Variants in POF1B observed in about 807,000 individuals in gnomAD.
The protein encoded by POF1B is protein POF1B.
A neutral mutation model predicts 55.3 loss-of-function variants in POF1B; 53 were observed. The ratio of observed to expected loss-of-function variants is 0.96; its 90% confidence interval spans 0.77 to 1.20. The LOEUF (loss-of-function observed/expected upper bound fraction) is 1.20. Ranked by LOEUF, POF1B falls within the 50% of genes most tolerant of loss-of-function variation. The pLI is 0.00. For missense variants in POF1B, 478 were observed against 420.5 expected (o/e 1.14, Z -1.20); for synonymous variants, 188 against 148.3 (o/e 1.27, Z -1.95).
At chrX:85,283,910 T>TA (rs1018402793) in intron 15 of POF1B, among the ~76,000 whole-genome samples, 12 of 110,797 alleles carry the variant, frequency 1.1e-4, no homozygotes, top group Admixed American at 1.9e-4. Context: ...AGTACTTTTT[T>TA]AAAAAAAATG....
intron 6 of POF1B, among the ~76,000 whole-genome samples, chrX:85,332,090 A>T (rs1932988945): frequency 8.9e-6 from 1 of 111,752 alleles, no homozygotes; most frequent in African/African-American, 3.2e-5. Context: ...TATCTTTGAC[A>T]TACTGATTTT....
intron 15 of POF1B, among the ~76,000 whole-genome samples, chrX:85,285,616 A>G (rs1012449005): frequency 4.5e-5 from 4 of 88,257 alleles, no homozygotes; most frequent in Non-Finnish European, 8.5e-5. Flanking sequence ...ACACTTGGAC[A>G]CAGGTTGGGG....
At chrX:85,339,726 A>G (rs975082286) in intron 6 of POF1B, among the ~76,000 whole-genome samples, 5 of 111,000 alleles carry the variant, frequency 4.5e-5, no homozygotes, top group African/African-American at 6.5e-5. Flanking sequence ...AACAAAAGAG[A>G]TGAGATTATA....
intron 4 of POF1B, among the ~76,000 whole-genome samples, 177 bp downstream of exon 4, chrX:85,359,373 A>G (rs1184019892): frequency 9.0e-6 from 1 of 110,900 alleles, no homozygotes; most frequent in Admixed American, 9.7e-5. Context: ...GAATATATAG[A>G]CTCATGGTTG....
chrX:85,299,357 C>T (rs1168702143), intron 15 of POF1B, among the ~76,000 whole-genome samples: 1 of 103,200 alleles, frequency 9.7e-6, no homozygotes, highest in Non-Finnish European at 2.0e-5. Context: ...GGCTCGATCT[C>T]GGCTCACTGC....
intron 6 of POF1B, 91 bp from the exon 7 acceptor site, chrX:85,331,170 C>T (rs777659260): frequency 1.4e-5 from 13 of 906,474 alleles, no homozygotes; most frequent in Non-Finnish European, 1.9e-5. Context: ...AGATAACCTA[C>T]TAAAGTCATC....
chrX:85,333,805 G>A (rs1356249113), intron 6 of POF1B, among the ~76,000 whole-genome samples: 1 of 110,715 alleles, frequency 9.0e-6, no homozygotes, highest in Non-Finnish European at 1.9e-5. Context: ...CTCAGTGATT[G>A]ACTCCTCTCA....
chrX:85,313,922 G>T (rs1258767250), intron 9 of POF1B, among the ~76,000 whole-genome samples: 1 of 110,486 alleles, frequency 9.1e-6, no homozygotes, highest in Non-Finnish European at 1.9e-5. Context: ...GTTTAGCCTT[G>T]GGAGGGTGTA....
chrX:85,293,461 T>A lies in POF1B; in HGVS notation c.1649+9945A>T, dbSNP rs907116925. Among the ~76,000 whole-genome samples the A allele has an allele frequency of 4.5e-5, 5 of 111,690 alleles. No individual in the cohort carries two copies. In the Admixed American group the frequency reaches 4.7e-4, roughly 11 times the overall value. On this transcript the variant is annotated intron_variant, in intron 15 of 16. Coordinates refer to ENST00000262753, the MANE Select transcript of POF1B (RefSeq NM_024921.4). ...CATGTTCTCACTTATAAGTGGGAGA[T>A]AAATGATGAGAACACATGGACATGT...
chrX:85,359,696 T>A lies in POF1B; in HGVS notation c.358-66A>T, dbSNP rs1050551427. 5 of 737,459 alleles carry A rather than the reference T, an allele frequency of 6.8e-6. No individual in the cohort carries two copies. In the South Asian group the frequency reaches 1.3e-4, roughly 19 times the overall value. The allele number at this position is 737,459 out of a possible 1,213,427, so 60.8% of individuals were successfully genotyped here. On this transcript the variant is annotated intron_variant, in intron 3 of 16. Coordinates refer to ENST00000262753, the MANE Select transcript of POF1B (RefSeq NM_024921.4). Reference sequence around the variant, plus strand: ...TTAATGAGCTTGGAGCTATCAATAATAATAGGGAACAATTTCCAGGGTTAA... The same window carrying A: ...TTAATGAGCTTGGAGCTATCAATAAAAATAGGGAACAATTTCCAGGGTTAA...
chrX:85,300,848 C>A (rs1315322283), intron 15 of POF1B, among the ~76,000 whole-genome samples: 2 of 111,738 alleles, frequency 1.8e-5, no homozygotes, highest in Non-Finnish European at 3.8e-5. Context: ...AGAGAAATTA[C>A]TTTTAAGAGA....
At chrX:85,366,458 A>T (rs1016257782) in intron 3 of POF1B, among the ~76,000 whole-genome samples, 12 of 111,863 alleles carry the variant, frequency 1.1e-4, no homozygotes, top group African/African-American at 3.9e-4. Context: ...TTGCTTCTTT[A>T]TATTTTTTAA....
intron 7 of POF1B, among the ~76,000 whole-genome samples, chrX:85,329,630 G>GT (rs757217839): frequency 0.011 from 1,063 of 93,674 alleles, 18 homozygotes; most frequent in African/African-American, 0.039. Context: ...GGTGGTGGTC[G>GT]TTTTTTTTTT....
At chrX:85,350,135 A>C (rs948863222) in intron 5 of POF1B, among the ~76,000 whole-genome samples, 4 of 109,822 alleles carry the variant, frequency 3.6e-5, no homozygotes, top group African/African-American at 1.3e-4. Context: ...TGCACCCACT[A>C]ACTCGTCATT....
intron 15 of POF1B, among the ~76,000 whole-genome samples, chrX:85,284,903 C>T (rs1289584350): frequency 9.0e-6 from 1 of 111,641 alleles, no homozygotes; most frequent in African/African-American, 3.3e-5. Flanking sequence ...TTACAATCTA[C>T]CCATCTGACA....
At chrX:85,287,316 C>T (rs1299963668) in intron 15 of POF1B, among the ~76,000 whole-genome samples, 4 of 110,855 alleles carry the variant, frequency 3.6e-5, no homozygotes, top group African/African-American at 1.3e-4. Flanking sequence ...GCTGGTTCTT[C>T]AAGTATATCA....
chrX:85,290,530 C>T (rs985419225), intron 15 of POF1B, among the ~76,000 whole-genome samples: 4 of 111,393 alleles, frequency 3.6e-5, no homozygotes, highest in African/African-American at 6.5e-5. Context: ...ATCTCCAAAC[C>T]GCTTTCCACA....
chrX:85,358,360 T>C (rs1308386538), intron 4 of POF1B, among the ~76,000 whole-genome samples: 1 of 111,407 alleles, frequency 9.0e-6, no homozygotes, highest in Non-Finnish European at 1.9e-5. Context: ...CTGTCTTATC[T>C]CTTTCCTTGA....
chrX:85,315,871 A>C lies in POF1B; in HGVS notation c.855-137T>G, dbSNP rs193095952. Reference sequence around the variant, plus strand: ...TATTCAATTTATAAGCACAAGTGAAAATGTTAAAACTAAAATGGCACTTTT... The same window carrying C: ...TATTCAATTTATAAGCACAAGTGAACATGTTAAAACTAAAATGGCACTTTT... On this transcript the variant is annotated intron_variant, in intron 7 of 16. Transcript: ENST00000262753. 6 of 489,820 alleles carry C rather than the reference A, an allele frequency of 1.2e-5. No individual in the cohort carries two copies. In the African/African-American group the frequency reaches 1.3e-4, roughly 10 times the overall value. 40.4% of individuals were successfully genotyped at this position (489,820 alleles called of 1,213,427 possible).
Sources: gnomAD v4.1 joint callset for allele counts (sites outside exome capture counted in the v4.1 genomes callset) on GRCh38, gnomAD v4.1.1 for gene constraint, MANE v1.5 for transcripts, NCBI Gene and HGNC (gene_info 2026-07-23, HGNC 2026-07-21) for gene names.